Variants in WDR43 observed in about 807,000 individuals in gnomAD.
The protein encoded by WDR43 is WD repeat domain 43.
WDR43 carries 13 observed loss-of-function variants against 91.4 expected under a neutral mutation model. The observed-to-expected ratio is 0.14, with a 90% confidence interval of 0.09 to 0.23. The LOEUF (loss-of-function observed/expected upper bound fraction) is 0.23, where lower values mean the gene tolerates loss of function less well. Among genes scored for constraint, WDR43 ranks in the 10% least tolerant of loss-of-function variants. The pLI is 1.00. For synonymous variants in WDR43, 331 were observed against 287.9 expected (o/e 1.15, Z -1.51); for missense variants, 780 against 809.4 (o/e 0.96, Z 0.44).
At chr2:28,926,397 A>T in intron 8 of WDR43, 71 bp from the exon 9 acceptor site, 4 of 1,094,570 alleles carry the variant, frequency 3.7e-6, no homozygotes, top group Non-Finnish European at 5.1e-6. Flanking sequence ...TCTTATTCCC[A>T]GTTGCTTTGT....
chr2:28,913,555 T>G, intron 4 of WDR43: 2 of 411,428 alleles, frequency 4.9e-6, no homozygotes, highest in South Asian at 3.7e-5. Context: ...AATTTTGATT[T>G]CTAGCCTACA....
In WDR43 at chr2:28,894,717, G is replaced by T. The variant is rs746600165; in HGVS notation, c.19G>T (p.Gly7Cys). 7 of 1,564,308 alleles carry T rather than the reference G, an allele frequency of 4.5e-6. No homozygotes were observed. The highest frequency in any genetic ancestry group is 5.2e-6 in the Non-Finnish European group (6 of 1,155,924). MAAGGG[G>C]SCDPLAPAGV... ...AGCAGCAATGGCGGCGGGCGGCGGCGGTAGCTGCGACCCCCTGGCCCCTGC... is the reference window on the plus strand; with the variant it reads ...AGCAGCAATGGCGGCGGGCGGCGGCTGTAGCTGCGACCCCCTGGCCCCTGC... The change falls in exon 1 of 18, where the codon GGT becomes TGT. Residue 7 changes from glycine to cysteine, a missense_variant. Around this residue, in one of 4 missense-constraint regions of WDR43, gnomAD observed 175 missense variants for 113.8 expected, o/e 1.54. Transcript: ENST00000407426.
At position 28,925,167 on chromosome 2, in the gene WDR43, A is replaced by G. The variant is rs2148191111; in HGVS notation, c.1086+14A>G. The G allele has an allele frequency of 6.3e-7, 1 of 1,599,268 alleles. No homozygotes were observed. Among genetic ancestry groups the G allele is most frequent in the Non-Finnish European group, 8.5e-7 (1 of 1,172,322 alleles). ...ATTGAGCGAGTGGTACGTAGCTGCT[A>G]CTCTGGAGTAAAGCAATATAGCATC... On this transcript the variant is annotated intron_variant, in intron 8 of 17. Coordinates refer to ENST00000407426, the MANE Select transcript of WDR43 (RefSeq NM_015131.3).
chr2:28,894,733 TGG>T lies in WDR43; in HGVS notation c.36_37del (p.Ala13ProfsTer79). ...GGCGGCGGCGGTAGCTGCGACCCCC[TGG>T]CCCCTGCTGGGGTCCCTTGCGCCTT... On this transcript the variant is annotated frameshift_variant, in exon 1 of 18. Coordinates refer to ENST00000407426, the MANE Select transcript of WDR43 (RefSeq NM_015131.3). LOFTEE classifies it high-confidence loss of function. 6.3e-7 allele frequency: 1 copy of T among 1,581,642 alleles called. No homozygotes were observed. The highest frequency in any genetic ancestry group is 1.8e-5 in the Admixed American group (1 of 54,532).
chr2:28,897,508 G>A (rs552356481), intron 1 of WDR43, among the ~76,000 whole-genome samples: 1 of 152,266 alleles, frequency 6.6e-6, no homozygotes, highest in East Asian at 1.9e-4. Flanking sequence ...ATCAAATTAG[G>A]CAATGTATGT....
At chr2:28,918,229 TAAGAA>T (rs1462231210) in intron 6 of WDR43, among the ~76,000 whole-genome samples, 2 of 152,216 alleles carry the variant, frequency 1.3e-5, no homozygotes, top group Non-Finnish European at 2.9e-5. Flanking sequence ...TTATGTGAAT[TAAGAA>T]AAGTTGTTCA....
intron 5 of WDR43, among the ~76,000 whole-genome samples, chr2:28,916,897 G>T (rs900704314): frequency 1.3e-5 from 2 of 151,700 alleles, no homozygotes; most frequent in East Asian, 3.8e-4. Flanking sequence ...TCTATTTAAA[G>T]ATATCTTATT....
chr2:28,901,904 C>A, intron 1 of WDR43, 83 bp from the exon 2 acceptor site: 2 of 1,326,964 alleles, frequency 1.5e-6, no homozygotes, highest in Non-Finnish European at 2.0e-6. Context: ...CTTTTGTGGG[C>A]TGGTGGGCAT....
intron 16 of WDR43, among the ~76,000 whole-genome samples, chr2:28,944,392 TC>T (rs1013837451): frequency 2.0e-5 from 3 of 152,220 alleles, no homozygotes; most frequent in Non-Finnish European, 2.9e-5. Flanking sequence ...GATAGACTTT[TC>T]CCACATAAAC....
intron 3 of WDR43, among the ~76,000 whole-genome samples, chr2:28,907,468 AT>A (rs55945914): frequency 0.15 from 17,937 of 119,692 alleles, 1,749 homozygotes; most frequent in Middle Eastern, 0.22. Context: ...AAAAAAAAAA[AT>A]TGGGTGTGGT....
intron 2 of WDR43, among the ~76,000 whole-genome samples, chr2:28,902,683 A>G (rs4666126): frequency 0.67 from 101,559 of 152,142 alleles, 34,622 homozygotes; most frequent in East Asian, 0.85. Context: ...GGGTGATGCA[A>G]ATAAAGAGAC....
chr2:28,901,939 T>A, intron 1 of WDR43, 48 bp from the exon 2 acceptor site: 1 of 1,526,948 alleles, frequency 6.5e-7, no homozygotes, highest in Non-Finnish European at 8.8e-7. Flanking sequence ...TAACGATGTT[T>A]TAGTATTTGC....
At chr2:28,936,846 G>A in intron 12 of WDR43, 76 bp from the exon 13 acceptor site, 2 of 1,290,592 alleles carry the variant, frequency 1.5e-6, no homozygotes, top group South Asian at 1.3e-5. Context: ...TCTCAATATT[G>A]TCATTGTATC....
chr2:28,907,067 A>G (rs1051216756), intron 3 of WDR43, among the ~76,000 whole-genome samples: 1 of 152,224 alleles, frequency 6.6e-6, no homozygotes, highest in African/African-American at 2.4e-5. Context: ...ATATGGGTCA[A>G]AGGATCCTAA....
chr2:28,942,416 T>A (rs1342640957), intron 16 of WDR43, 35 bp downstream of exon 16: 1 of 1,596,550 alleles, frequency 6.3e-7, no homozygotes, highest in Admixed American at 1.7e-5. Flanking sequence ...AGTCTAGAAT[T>A]ATAACATTCA....
chr2:28,919,934 G>T (rs574405879), intron 6 of WDR43, among the ~76,000 whole-genome samples: 1 of 151,290 alleles, frequency 6.6e-6, no homozygotes, highest in East Asian at 2.0e-4. Flanking sequence ...TCTGTCCCCT[G>T]GGTTCAAGCA....
At position 28,920,300 on chromosome 2, in the gene WDR43, A is replaced by G. The variant is rs571268733; in HGVS notation, c.849+2305A>G. ...GAGTGTAGTGGTGCGATCTCAGCTCACTGCAATCTCTGCTTCCCAGGTTCA... is the reference window on the plus strand; with the variant it reads ...GAGTGTAGTGGTGCGATCTCAGCTCGCTGCAATCTCTGCTTCCCAGGTTCA... On this transcript the variant is annotated intron_variant, in intron 6 of 17. Coordinates refer to ENST00000407426, the MANE Select transcript of WDR43 (RefSeq NM_015131.3). Among the ~76,000 whole-genome samples the G allele has an allele frequency of 3.0e-5, 4 of 132,376 alleles. No individual in the cohort carries two copies. The East Asian group carries it at 8.5e-4, about 28-fold the overall frequency. 86.8% of individuals were successfully genotyped at this position (132,376 alleles called of 152,430 possible).
chr2:28,896,215 A>G (rs1324062830), intron 1 of WDR43, among the ~76,000 whole-genome samples: 1 of 152,156 alleles, frequency 6.6e-6, no homozygotes, highest in Non-Finnish European at 1.5e-5. Flanking sequence ...ATGCTGAGAG[A>G]AATACGGAGC....
chr2:28,944,208 TTTG>T (rs536951944), intron 16 of WDR43, among the ~76,000 whole-genome samples: 126 of 152,366 alleles, frequency 8.3e-4, no homozygotes, highest in African/African-American at 2.8e-3. Context: ...CTTAGTAGAA[TTTG>T]TTGTTGTTTT....
Sources: gnomAD v4.1 joint callset for allele counts (sites outside exome capture counted in the v4.1 genomes callset) on GRCh38, gnomAD v4.1.1 for gene constraint, gnomAD v4.1.1 regional missense constraint, MANE v1.5 for transcripts, NCBI Gene and HGNC (gene_info 2026-07-23, HGNC 2026-07-21) for gene names.